EDN3: variants seen among roughly 807,000 people sequenced by gnomAD.
EDN3 encodes the protein endothelin 3, also known as endothelin-3.
In EDN3, 9 loss-of-function variants were observed where a neutral mutation model predicts 21.4. That is an observed-to-expected ratio of 0.42 (90% confidence interval 0.25 to 0.73). EDN3 has a LOEUF of 0.73. Among genes scored for constraint, EDN3 ranks in the 30% least tolerant of loss-of-function variants. EDN3 has a pLI of 0.26. For missense variants in EDN3, 327 were observed against 309.4 expected (o/e 1.06, Z -0.43); for synonymous variants, 133 against 126.2 (o/e 1.05, Z -0.36).
chr20:59,304,440 C>G (rs11570270), intron 2 of EDN3, among the ~76,000 whole-genome samples: 1,752 of 152,304 alleles, frequency 0.012, 28 homozygotes, highest in African/African-American at 0.04. Context: ...GTGATTTCTC[C>G]CTGTCCCAGC....
At chr20:59,301,817 A>G in intron 2 of EDN3, 95 bp downstream of exon 2, 2 of 1,400,190 alleles carry the variant, frequency 1.4e-6, no homozygotes, top group Non-Finnish European at 2.0e-6. Flanking sequence ...AGCCCCGCTC[A>G]GTTAGCCCAG....
intron 4 of EDN3, among the ~76,000 whole-genome samples, chr20:59,324,099 G>T (rs904744597): frequency 1.3e-5 from 2 of 152,192 alleles, no homozygotes. Context: ...CTGCGGGAGG[G>T]CCCCTAGCAG....
intron 4 of EDN3, 130 bp from the exon 5 acceptor site, chr20:59,324,201 G>T (rs1600763756): frequency 1.4e-5 from 16 of 1,182,856 alleles, no homozygotes; most frequent in Non-Finnish European, 1.9e-5. Context: ...GGTACATACA[G>T]TTCCAATCAG....
In EDN3 at chr20:59,322,233, A is replaced by T; in HGVS notation, c.543-139A>T. 1 of 912,284 alleles carries T rather than the reference A, an allele frequency of 1.1e-6. No individual in the cohort carries two copies. Among genetic ancestry groups the T allele is most frequent in the Non-Finnish European group, 1.8e-6 (1 of 559,038 alleles). 56.5% of individuals were successfully genotyped at this position (912,284 alleles called of 1,614,324 possible). On this transcript the variant is annotated intron_variant, in intron 3 of 4. Transcript: ENST00000337938. This position sits in a 1 kb window ranked among gnomAD's most constrained non-coding sequence, Gnocchi z 4.1. ...CACCCACCGAGTGCTCAGCCTTCAGAAACTGTGCCTGAGACGCAGTCCTTG... is the reference window on the plus strand; with the variant it reads ...CACCCACCGAGTGCTCAGCCTTCAGTAACTGTGCCTGAGACGCAGTCCTTG...
chr20:59,323,799 G>A (rs1270603357), intron 4 of EDN3: 11 of 435,434 alleles, frequency 2.5e-5, no homozygotes, highest in South Asian at 8.6e-5. Flanking sequence ...TATAGGAGAA[G>A]CACACCGGTC....
chr20:59,321,273 G>C, intron 3 of EDN3, 80 bp downstream of exon 3: 3 of 1,486,414 alleles, frequency 2.0e-6, no homozygotes, highest in Non-Finnish European at 1.9e-6. Flanking sequence ...CTTCTCAAAG[G>C]AGGGTGTAGG....
intron 2 of EDN3, among the ~76,000 whole-genome samples, chr20:59,314,788 G>A (rs1990070225): frequency 6.6e-6 from 1 of 152,134 alleles, no homozygotes; most frequent in Non-Finnish European, 1.5e-5. Context: ...GCTGGCCTCG[G>A]GCTCCAGAGA....
chr20:59,319,742 A>AG (rs368449908), intron 2 of EDN3, among the ~76,000 whole-genome samples: 1,867 of 150,874 alleles, frequency 0.012, 53 homozygotes, highest in African/African-American at 0.042. Context: ...AAAAAAAAAA[A>AG]GAAAAAAAAG....
intron 4 of EDN3, among the ~76,000 whole-genome samples, chr20:59,323,088 T>C (rs2146886008): frequency 6.6e-6 from 1 of 152,322 alleles, no homozygotes; most frequent in Admixed American, 6.5e-5. Context: ...AATAATAGCC[T>C]GGAGGTGGCT....
chr20:59,314,947 C>T (rs1398685501), intron 2 of EDN3, among the ~76,000 whole-genome samples: 4 of 152,188 alleles, frequency 2.6e-5, no homozygotes, highest in African/African-American at 7.2e-5. Flanking sequence ...TAGTCAGCCA[C>T]TTCCACACCA....
Position 59,322,592 on chromosome 20 carries a change from T to TG in EDN3, c.588+180dup. 1 of 891,874 alleles carries TG rather than the reference T, an allele frequency of 1.1e-6. No homozygotes were observed. The highest frequency in any genetic ancestry group is 1.8e-6 in the Non-Finnish European group (1 of 550,760). The allele number at this position is 891,874 out of a possible 1,614,324, so 55.2% of individuals were successfully genotyped here. A position where few individuals can be genotyped will look rare whatever the true frequency, so the allele number is the denominator to read the frequency against. Reference sequence around the variant, plus strand: ...AATGGTGCCTTTGGTGGACCGTTTCTGGGGGCAGAGCGGGCTGAAGCTGTG... The same window carrying TG: ...AATGGTGCCTTTGGTGGACCGTTTCTGGGGGGCAGAGCGGGCTGAAGCTGTG... On this transcript the variant is annotated intron_variant, in intron 4 of 4. Coordinates refer to ENST00000337938, the MANE Select transcript of EDN3 (RefSeq NM_207034.3). The surrounding 1 kb of genome is among the most constrained non-coding windows in gnomAD (Gnocchi z 4.1).
rs1320056449 is a variant in EDN3, at chr20:59,325,826, C to T, written c.*1367C>T. On this transcript the variant is annotated 3_prime_UTR_variant, in exon 5 of 5. Transcript: ENST00000337938. ...AGATAGGTAGGTAGATTTTAAATTG[C>T]ATTCTGAATACAAACTCATACTCCT... 1 of 152,138 alleles carries T rather than the reference C, an allele frequency of 6.6e-6. No homozygotes were observed. Among genetic ancestry groups the T allele is most frequent in the East Asian group, 1.9e-4 (1 of 5,194 alleles). The allele number at this position is 152,138 out of a possible 1,614,324, so 9.4% of individuals were successfully genotyped here.
At chr20:59,311,773 C>A (rs181707260) in intron 2 of EDN3, among the ~76,000 whole-genome samples, 293 of 152,198 alleles carry the variant, frequency 1.9e-3, no homozygotes, top group African/African-American at 6.6e-3. Flanking sequence ...GCAATGCAGC[C>A]TCATTCTACC....
chr20:59,302,173 T>C (rs1989094628), intron 2 of EDN3, among the ~76,000 whole-genome samples: 1 of 152,170 alleles, frequency 6.6e-6, no homozygotes, highest in African/African-American at 2.4e-5. Flanking sequence ...CCAGGGAGTC[T>C]AAGGGTGGGT....
At chr20:59,306,594 G>GAAAAAAAA (rs1989430275) in intron 2 of EDN3, among the ~76,000 whole-genome samples, 2 of 28,646 alleles carry the variant, frequency 7.0e-5, no homozygotes, top group African/African-American at 1.6e-4. Context: ...TGCATAAAGA[G>GAAAAAAAA]TAAAAAAAAA....
chr20:59,300,704 G>A lies in EDN3; in HGVS notation c.-109G>A, dbSNP rs1988933443. The A allele has an allele frequency of 8.4e-7, 1 of 1,191,340 alleles. No homozygotes were observed. Among genetic ancestry groups the A allele is most frequent in the South Asian group, 1.3e-5 (1 of 74,158 alleles). The allele number at this position is 1,191,340 out of a possible 1,614,324, so 73.8% of individuals were successfully genotyped here. ...ACGCAGCGAGCGATCGGCCGGCCTC[G>A]AACCCCCACAGCTGGAGGGCGAGGC... is the stretch of plus-strand genomic sequence containing the variant. On this transcript the variant is annotated 5_prime_UTR_variant, in exon 1 of 5. Coordinates refer to ENST00000337938, the MANE Select transcript of EDN3 (RefSeq NM_207034.3).
chr20:59,321,569 G>T (rs893917324), intron 3 of EDN3, among the ~76,000 whole-genome samples: 1 of 152,064 alleles, frequency 6.6e-6, no homozygotes, highest in Admixed American at 6.6e-5. Context: ...TAGCCTTCTC[G>T]AAAATAGCCC....
rs1203895285 is a variant in EDN3, at chr20:59,321,119, CTT to C, written c.469_470del (p.Leu157AlafsTer9). On this transcript the variant is annotated frameshift_variant, in exon 3 of 5. Transcript: ENST00000337938. LOFTEE classifies it high-confidence loss of function. ...ATCTGCAGCTCTCACATCGGCCACA[CTT>C]GCGCTGCGCTTGTGTGGGGAGATAT... ...GNLQLSHRPH[L>X]RCACVGRYDK... The C allele has an allele frequency of 6.2e-7, 1 of 1,614,256 alleles. No homozygotes were observed. Among genetic ancestry groups the C allele is most frequent in the Non-Finnish European group, 8.5e-7 (1 of 1,180,048 alleles).
chr20:59,300,824 G>A lies in EDN3; in HGVS notation c.12G>A (p.Gly4=). 2 of 1,611,288 alleles carry A rather than the reference G, an allele frequency of 1.2e-6. No homozygotes were observed. The change falls in exon 1 of 5, where the codon GGG becomes GGA. Residue 4 remains glycine, a synonymous_variant. Coordinates refer to ENST00000337938, the MANE Select transcript of EDN3 (RefSeq NM_207034.3). MEP[G]LWLLFGLTVT... ...CCTGATCTAGGTTCATGGAGCCGGGGCTGTGGCTCCTTTTCGGGCTCACAG... is the reference window on the plus strand; with the variant it reads ...CCTGATCTAGGTTCATGGAGCCGGGACTGTGGCTCCTTTTCGGGCTCACAG...
Sources: allele counts gnomAD v4.1 joint callset (sites outside exome capture counted in the v4.1 genomes callset), GRCh38; gene constraint gnomAD v4.1.1; non-coding constraint Gnocchi (gnomAD v3.1); transcripts MANE v1.5; gene names NCBI Gene and HGNC (gene_info 2026-07-23, HGNC 2026-07-21).